PELI2: variants seen among roughly 807,000 people sequenced by gnomAD.
The protein encoded by PELI2 is pellino E3 ubiquitin protein ligase family member 2, also known as E3 ubiquitin-protein ligase pellino homolog 2.
A neutral mutation model predicts 42.3 loss-of-function variants in PELI2; 23 were observed. That is an observed-to-expected ratio of 0.54 (90% confidence interval 0.39 to 0.77). The LOEUF is 0.77. PELI2 is among the 30% of genes least tolerant of loss of function. The pLI, the probability that PELI2 is intolerant of heterozygous loss-of-function variation, is 0.00. For missense variants in PELI2, 463 were observed against 553.2 expected (o/e 0.84, Z 1.64); for synonymous variants, 245 against 212.2 (o/e 1.15, Z -1.34).
chr14:56,202,850 C>T (rs1053658368), intron 2 of PELI2, among the ~76,000 whole-genome samples: 1 of 152,102 alleles, frequency 6.6e-6, no homozygotes, highest in Non-Finnish European at 1.5e-5. Flanking sequence ...TGCCAGATAC[C>T]TGTCCTGGTC....
At chr14:56,211,866 C>T (rs1204663248) in intron 2 of PELI2, among the ~76,000 whole-genome samples, 1 of 151,858 alleles carries the variant, frequency 6.6e-6, no homozygotes, top group African/African-American at 2.4e-5. Context: ...AGGAAAAATA[C>T]ATGTGACCAA....
At chr14:56,149,585 G>A (rs760470474) in intron 1 of PELI2, among the ~76,000 whole-genome samples, 10 of 151,944 alleles carry the variant, frequency 6.6e-5, no homozygotes, top group Admixed American at 1.3e-4. Flanking sequence ...GGAGATTGGA[G>A]CCCACCTTTT....
At chr14:56,290,177 C>T (rs1889780604) in intron 4 of PELI2, 91 bp from the exon 5 acceptor site, 4 of 963,394 alleles carry the variant, frequency 4.2e-6, no homozygotes, top group African/African-American at 1.6e-5. Flanking sequence ...CTCCCCTCTG[C>T]CTCTATGCAA....
Position 56,298,087 on chromosome 14 carries a change from T to G in PELI2, c.*921T>G, listed in dbSNP as rs1393162561. On this transcript the variant is annotated 3_prime_UTR_variant, in exon 6 of 6. Transcript: ENST00000267460. ...TTTTACTTTTTAAAACCACTTGAGG[T>G]TTCATAAAGCTTGGGGTTTTTTTTT... The G allele has an allele frequency of 4.6e-5, 7 of 152,004 alleles. No individual in the cohort carries two copies. The highest frequency in any genetic ancestry group is 7.4e-5 in the Non-Finnish European group (5 of 67,940). 9.4% of individuals were successfully genotyped at this position (152,004 alleles called of 1,614,324 possible). A position where few individuals can be genotyped will look rare whatever the true frequency, so the allele number is the denominator to read the frequency against.
rs78540049 is a variant in PELI2, at chr14:56,155,449, C to T, written c.78-22886C>T. Among the ~76,000 whole-genome samples, 268 of 152,206 alleles carry T rather than the reference C, an allele frequency of 1.8e-3. 1 individual carries two copies. The highest frequency in any genetic ancestry group is 3.1e-3 in the Non-Finnish European group (210 of 68,014). ...GTAGCTTCAGTTTCCCTAGCACAAT[C>T]GATTAGATGATCCAACTTCTTTCTC... On this transcript the variant is annotated intron_variant, in intron 1 of 5. Coordinates refer to ENST00000267460, the MANE Select transcript of PELI2 (RefSeq NM_021255.3).
At position 56,297,867 on chromosome 14, in the gene PELI2, T is replaced by G. The variant is rs964763646; in HGVS notation, c.*701T>G. The G allele has an allele frequency of 2.6e-5, 4 of 152,156 alleles. No homozygotes were observed. Among genetic ancestry groups the G allele is most frequent in the African/African-American group, 9.7e-5 (4 of 41,430 alleles). The allele number at this position is 152,156 out of a possible 1,614,324, so 9.4% of individuals were successfully genotyped here. On this transcript the variant is annotated 3_prime_UTR_variant, in exon 6 of 6. Coordinates refer to ENST00000267460, the MANE Select transcript of PELI2 (RefSeq NM_021255.3). ...ATTTTCCATAACTTTTTAGCCTGTCTTTTGTTATTTCTGCCTAATATGATT... is the reference window on the plus strand; with the variant it reads ...ATTTTCCATAACTTTTTAGCCTGTCGTTTGTTATTTCTGCCTAATATGATT...
chr14:56,172,206 G>C (rs73290624), intron 1 of PELI2, among the ~76,000 whole-genome samples: 4,729 of 152,252 alleles, frequency 0.031, 242 homozygotes, highest in African/African-American at 0.11. Context: ...TATCAGCTGA[G>C]GTTACCTGGT....
intron 2 of PELI2, among the ~76,000 whole-genome samples, chr14:56,232,089 G>A (rs1300135797): frequency 6.6e-6 from 1 of 152,058 alleles, no homozygotes; most frequent in Non-Finnish European, 1.5e-5. Flanking sequence ...TAGACAAATA[G>A]CAGGCTCTGA....
chr14:56,271,584 A>G (rs1285150867), intron 2 of PELI2, among the ~76,000 whole-genome samples: 1 of 152,222 alleles, frequency 6.6e-6, no homozygotes, highest in Non-Finnish European at 1.5e-5. Flanking sequence ...CTGAAAATAA[A>G]CTTGCCTAAA....
chr14:56,293,273 C>T (rs1262707871), intron 5 of PELI2, among the ~76,000 whole-genome samples: 1 of 152,144 alleles, frequency 6.6e-6, no homozygotes, highest in Non-Finnish European at 1.5e-5. Flanking sequence ...TCTCTTGCTT[C>T]CACAATACTG....
intron 2 of PELI2, among the ~76,000 whole-genome samples, chr14:56,203,904 T>TA (rs1221801573): frequency 2.0e-5 from 3 of 152,114 alleles, no homozygotes; most frequent in African/African-American, 7.2e-5. Context: ...ATTTAACTGT[T>TA]AAAGGGTGAG....
chr14:56,150,387 T>G (rs1443947043), intron 1 of PELI2, among the ~76,000 whole-genome samples: 2 of 152,246 alleles, frequency 1.3e-5, no homozygotes, highest in Non-Finnish European at 2.9e-5. Context: ...ATCTCGTAAC[T>G]GATCCCATTT....
chr14:56,208,483 G>A (rs1447031005), intron 2 of PELI2, among the ~76,000 whole-genome samples: 1 of 152,176 alleles, frequency 6.6e-6, no homozygotes, highest in Non-Finnish European at 1.5e-5. Flanking sequence ...TTTTTTCCTT[G>A]TGTTGACATT....
chr14:56,240,692 G>A (rs2139792832), intron 2 of PELI2, among the ~76,000 whole-genome samples: 1 of 152,234 alleles, frequency 6.6e-6, no homozygotes, highest in Admixed American at 6.5e-5. Context: ...AAACGGAGTA[G>A]CTCTAGAAGA....
chr14:56,129,143 A>G lies in PELI2; in HGVS notation c.77+10406A>G, dbSNP rs1357797900. On this transcript the variant is annotated intron_variant, in intron 1 of 5. Coordinates refer to ENST00000267460, the MANE Select transcript of PELI2 (RefSeq NM_021255.3). Reference sequence around the variant, plus strand: ...GCCTCTGGGAGGGGGAAGCCCTGCTAATAACATTTCAAGGCATTATTGCAG... The same window carrying G: ...GCCTCTGGGAGGGGGAAGCCCTGCTGATAACATTTCAAGGCATTATTGCAG... Among the ~76,000 whole-genome samples the G allele has an allele frequency of 2.6e-5, 4 of 152,196 alleles. No homozygotes were observed. In the East Asian group the frequency reaches 7.7e-4, roughly 29 times the overall value.
intron 2 of PELI2, among the ~76,000 whole-genome samples, chr14:56,245,370 CT>C (rs1555350842): frequency 7.2e-5 from 11 of 152,106 alleles, no homozygotes; most frequent in Non-Finnish European, 1.3e-4. Flanking sequence ...AAAGATTGTG[CT>C]GATATGGAAT....
intron 2 of PELI2, among the ~76,000 whole-genome samples, chr14:56,258,266 CACTCTT>C (rs1435284027): frequency 1.3e-5 from 2 of 152,012 alleles, no homozygotes; most frequent in Non-Finnish European, 2.9e-5. Flanking sequence ...ACAAGTCCAA[CACTCTT>C]AACAAAATCA....
At chr14:56,245,480 C>T (rs1888117713) in intron 2 of PELI2, among the ~76,000 whole-genome samples, 1 of 152,140 alleles carries the variant, frequency 6.6e-6, no homozygotes. Flanking sequence ...TTATAATTAT[C>T]TATCTGCATG....
chr14:56,251,888 G>C (rs140203908), intron 2 of PELI2, among the ~76,000 whole-genome samples: 38 of 152,256 alleles, frequency 2.5e-4, no homozygotes, highest in African/African-American at 9.1e-4. Context: ...ATTCATCTTG[G>C]ATTCTTATCT....
Sources: allele counts gnomAD v4.1 joint callset (sites outside exome capture counted in the v4.1 genomes callset), GRCh38; gene constraint gnomAD v4.1.1; transcripts MANE v1.5; gene names NCBI Gene and HGNC (gene_info 2026-07-23, HGNC 2026-07-21).